Variants in QTGAL observed in about 807,000 individuals in gnomAD.
QTGAL encodes queuosine-tRNA galactosyltransferase, also known as BGnT-like protein 1.
chr17:82,962,543 G>A, the QTGAL span, among the ~76,000 whole-genome samples: 2 of 136,008 alleles, frequency 1.5e-5, no homozygotes, highest in Admixed American at 7.3e-5. Flanking sequence ...TGGTGGACAC[G>A]GACCCTCACA....
At chr17:82,958,892 GGTGT>G in the QTGAL span, among the ~76,000 whole-genome samples, 1 of 110,470 alleles carries the variant, frequency 9.1e-6, no homozygotes, top group Admixed American at 9.6e-5. Flanking sequence ...GGGGGTGTAT[GGTGT>G]GTGTGTGTAT....
the QTGAL span, among the ~76,000 whole-genome samples, chr17:83,050,993 T>G: frequency 7.0e-6 from 1 of 143,052 alleles, no homozygotes; most frequent in Non-Finnish European, 1.5e-5. Context: ...ACGTGTGGGG[T>G]GCGAGGTTGT....
At chr17:83,044,583 G>A in the QTGAL span, among the ~76,000 whole-genome samples, 10 of 152,194 alleles carry the variant, frequency 6.6e-5, no homozygotes, top group Non-Finnish European at 1.0e-4. Flanking sequence ...TGGGAGAACC[G>A]AAGCGAGGAT....
the QTGAL span, among the ~76,000 whole-genome samples, chr17:82,970,654 C>CGCGACCTCCCCACCCGGCGTGGCT: frequency 7.2e-6 from 1 of 138,218 alleles, no homozygotes; most frequent in African/African-American, 2.8e-5. Context: ...CCGGTGTGGC[C>CGCGACCTCCCCACCCGGCGTGGCT]GCGACCTCCG....
At chr17:83,025,038 T>C in the QTGAL span, among the ~76,000 whole-genome samples, 1 of 152,198 alleles carries the variant, frequency 6.6e-6, no homozygotes, top group Non-Finnish European at 1.5e-5. Flanking sequence ...GGTCCCTCGC[T>C]GGCCAAATCA....
At chr17:82,991,461 G>C in the QTGAL span, among the ~76,000 whole-genome samples, 1 of 152,136 alleles carries the variant, frequency 6.6e-6, no homozygotes, top group African/African-American at 2.4e-5. Flanking sequence ...CGCCATCCAC[G>C]TAAGCTTGGT....
the QTGAL span, among the ~76,000 whole-genome samples, chr17:82,963,695 T>C: frequency 8.8e-4 from 134 of 152,242 alleles, no homozygotes; most frequent in African/African-American, 3.2e-3. Context: ...GTCTAGAGCA[T>C]TGAAGAAAGT....
the QTGAL span, among the ~76,000 whole-genome samples, chr17:82,965,987 T>G: frequency 9.2e-5 from 14 of 151,986 alleles, no homozygotes; most frequent in Non-Finnish European, 4.4e-5. Flanking sequence ...TGATCATCAC[T>G]CACTGTAGCC....
chr17:82,965,515 C>G, the QTGAL span: 3 of 864,098 alleles, frequency 3.5e-6, no homozygotes, highest in Non-Finnish European at 5.4e-6. Flanking sequence ...CGGGAGGACC[C>G]TCAGGCAGGG....
the QTGAL span, among the ~76,000 whole-genome samples, chr17:82,990,352 G>T: frequency 6.6e-6 from 1 of 152,370 alleles, no homozygotes; most frequent in South Asian, 2.1e-4. Context: ...TGATCAGCTG[G>T]GAGGAACGCC....
the QTGAL span, among the ~76,000 whole-genome samples, chr17:82,977,637 C>T: frequency 6.6e-6 from 1 of 152,154 alleles, no homozygotes; most frequent in Non-Finnish European, 1.5e-5. Context: ...CACTTCTGGT[C>T]ACCGTGAAAG....
At chr17:83,028,155 C>T in the QTGAL span, among the ~76,000 whole-genome samples, 22 of 151,768 alleles carry the variant, frequency 1.4e-4, no homozygotes, top group Admixed American at 2.6e-4. Context: ...CCATGGCAGC[C>T]GGGGATAAAA....
the QTGAL span, among the ~76,000 whole-genome samples, chr17:83,050,087 C>T: frequency 6.6e-6 from 1 of 152,140 alleles, no homozygotes; most frequent in African/African-American, 2.4e-5. Context: ...AAAACGAGTT[C>T]TGGCCGGGCG....
chr17:82,962,071 G>A, the QTGAL span, among the ~76,000 whole-genome samples: 1 of 152,320 alleles, frequency 6.6e-6, no homozygotes, highest in African/African-American at 2.4e-5. Flanking sequence ...CTTTGCTCCA[G>A]GAAAGGGCAG....
the QTGAL span, among the ~76,000 whole-genome samples, chr17:83,042,718 A>C: frequency 1.3e-5 from 2 of 152,232 alleles, no homozygotes; most frequent in African/African-American, 2.4e-5. Flanking sequence ...TTTAAATGTA[A>C]ATGGACTAAA....
the QTGAL span, among the ~76,000 whole-genome samples, chr17:83,034,630 C>G: frequency 6.6e-6 from 1 of 152,240 alleles, no homozygotes; most frequent in Non-Finnish European, 1.5e-5. Flanking sequence ...GTAGCTCCCA[C>G]AATTCCCACG....
the QTGAL span, among the ~76,000 whole-genome samples, chr17:83,030,551 C>G: frequency 1.3e-5 from 2 of 152,210 alleles, no homozygotes; most frequent in African/African-American, 4.8e-5. Context: ...CGGCTACAGC[C>G]ACATCCCTGT....
chr17:83,031,336 C>T, the QTGAL span, among the ~76,000 whole-genome samples: 7 of 149,814 alleles, frequency 4.7e-5, no homozygotes, highest in African/African-American at 1.0e-4. Context: ...AGAGCACCCA[C>T]GGGTCCCTCG....
At chr17:82,979,218 A>G in the QTGAL span, 2 of 152,204 alleles carry the variant, frequency 1.3e-5, no homozygotes, top group African/African-American at 2.4e-5. Flanking sequence ...TAGATAATAA[A>G]CCAAGACTGA....
Sources: gnomAD v4.1 joint callset for allele counts (sites outside exome capture counted in the v4.1 genomes callset) on GRCh38, gnomAD v4.1.1 for gene constraint, MANE v1.5 for transcripts, NCBI Gene and HGNC (gene_info 2026-07-23, HGNC 2026-07-21) for gene names.